Variants in C9orf85 observed in about 807,000 individuals in gnomAD.
C9orf85 encodes the protein uncharacterized protein C9orf85.
A neutral mutation model predicts 14.9 loss-of-function variants in C9orf85; 16 were observed. The observed-to-expected ratio is 1.08, with a 90% confidence interval of 0.73 to 1.63. The LOEUF is 1.63. Ranked by LOEUF, C9orf85 falls within the 40% of genes most tolerant of loss-of-function variation. The probability of loss-of-function intolerance (pLI) is 0.00; values close to 1 mark genes in which losing one functional copy is unlikely to be tolerated. For synonymous variants in C9orf85, 45 were observed against 56.8 expected, an observed-to-expected ratio of 0.79 and a Z score of 0.93; for missense variants, 172 against 186.1, an observed-to-expected ratio of 0.92 and a Z score of 0.44.
chr9:71,912,813 G>A (rs1827547758), intron 1 of C9orf85, among the ~76,000 whole-genome samples: 1 of 152,174 alleles, frequency 6.6e-6, no homozygotes, highest in South Asian at 2.1e-4. Context: ...GAACCCTGGA[G>A]GCGGTGGTTG....
chr9:71,937,292 G>A (rs1334207840), intron 1 of C9orf85, among the ~76,000 whole-genome samples: 1 of 152,184 alleles, frequency 6.6e-6, no homozygotes, highest in Non-Finnish European at 1.5e-5. Flanking sequence ...CTTTGTGTAT[G>A]CATTAGGTTT....
intron 2 of C9orf85, among the ~76,000 whole-genome samples, chr9:71,964,405 G>C (rs868746912): frequency 2.0e-5 from 3 of 151,818 alleles, no homozygotes; most frequent in African/African-American, 4.8e-5. Context: ...CACTCTTTGG[G>C]TCTACACTGC....
At chr9:71,948,141 T>C (rs779995939) in intron 2 of C9orf85, among the ~76,000 whole-genome samples, 1 of 152,242 alleles carries the variant, frequency 6.6e-6, no homozygotes, top group Non-Finnish European at 1.5e-5. Context: ...GTAATCTATA[T>C]AGTAGCTATT....
intron 1 of C9orf85, among the ~76,000 whole-genome samples, chr9:71,932,131 C>T (rs969502941): frequency 6.6e-6 from 1 of 152,180 alleles, no homozygotes; most frequent in Non-Finnish European, 1.5e-5. Flanking sequence ...ATTACCTTCT[C>T]CTGTATTTGA....
intron 1 of C9orf85, 113 bp from the exon 2 acceptor site, chr9:71,946,893 C>G: frequency 1.7e-6 from 1 of 581,608 alleles, no homozygotes; most frequent in Non-Finnish European, 3.0e-6. Flanking sequence ...AATTGTTATG[C>G]AGATTAAGGT....
rs547185067 is a variant in C9orf85 at position 71,971,879 on chromosome 9, CAGG to C, written c.323+264_323+266del. ...ATCCCAATTACTCGGGAGTCTAAGG[CAGG>C]AGAATCGCTTGAACTTGGGGGGCAG... On this transcript the variant is annotated intron_variant, in intron 3 of 3. Transcript: ENST00000334731. 2.0e-3 allele frequency among the ~76,000 whole-genome samples: 302 copies of C among 149,258 alleles called. 2 individuals carry two copies. Among genetic ancestry groups the C allele is most frequent in the Non-Finnish European group, 3.2e-4 (22 of 67,774 alleles).
intron 1 of C9orf85, among the ~76,000 whole-genome samples, chr9:71,935,141 C>A (rs558157034): frequency 4.6e-5 from 7 of 152,218 alleles, no homozygotes; most frequent in African/African-American, 1.4e-4. Flanking sequence ...AAAATTGGAA[C>A]CTTTGTTTAT....
intron 1 of C9orf85, among the ~76,000 whole-genome samples, chr9:71,932,187 G>A (rs1027007016): frequency 2.0e-5 from 3 of 151,864 alleles, no homozygotes; most frequent in African/African-American, 7.3e-5. Context: ...TTTCCAAGGA[G>A]CACACACACT....
At chr9:71,962,841 A>G (rs951418840) in intron 2 of C9orf85, among the ~76,000 whole-genome samples, 2 of 152,170 alleles carry the variant, frequency 1.3e-5, no homozygotes, top group Non-Finnish European at 2.9e-5. Context: ...GGATCACTTG[A>G]GGTCAGGAGT....
intron 1 of C9orf85, among the ~76,000 whole-genome samples, chr9:71,927,074 T>C (rs1827947492): frequency 6.6e-6 from 1 of 152,024 alleles, no homozygotes; most frequent in Non-Finnish European, 1.5e-5. Flanking sequence ...CTACCCTCTT[T>C]CAGAGGAACA....
chr9:71,942,512 CCTCTA>C (rs771243399), intron 1 of C9orf85, among the ~76,000 whole-genome samples: 1 of 152,124 alleles, frequency 6.6e-6, no homozygotes, highest in Non-Finnish European at 1.5e-5. Flanking sequence ...CTGATTCCCT[CCTCTA>C]TTTTTTGGTT....
At chr9:71,932,283 A>G (rs1828088494) in intron 1 of C9orf85, among the ~76,000 whole-genome samples, 1 of 152,116 alleles carries the variant, frequency 6.6e-6, no homozygotes, top group Non-Finnish European at 1.5e-5. Context: ...TTATTTTCAT[A>G]GAAGCTCATT....
At chr9:71,980,532 CATAAG>C (rs996318407) in intron 3 of C9orf85, among the ~76,000 whole-genome samples, 1 of 152,090 alleles carries the variant, frequency 6.6e-6, no homozygotes, top group Non-Finnish European at 1.5e-5. Flanking sequence ...AGTCAGGAAA[CATAAG>C]ATAAAATGAT....
At chr9:71,945,676 G>T (rs886180741) in intron 1 of C9orf85, among the ~76,000 whole-genome samples, 115 of 152,132 alleles carry the variant, frequency 7.6e-4, no homozygotes, top group African/African-American at 2.6e-3. Flanking sequence ...AGAATATCAA[G>T]CGCTGTTCAA....
intron 1 of C9orf85, among the ~76,000 whole-genome samples, chr9:71,928,832 A>G (rs1367631848): frequency 6.6e-6 from 1 of 152,238 alleles, no homozygotes; most frequent in African/African-American, 2.4e-5. Context: ...TGCATTCTTC[A>G]TTAAGAATAT....
intron 2 of C9orf85, among the ~76,000 whole-genome samples, chr9:71,963,618 GGGCCCTGCACTCAGATTAGCTGGCC>G (rs1404273395): frequency 6.6e-6 from 1 of 152,194 alleles, no homozygotes; most frequent in Non-Finnish European, 1.5e-5. Flanking sequence ...TGGGCTTGGC[GGGCCCTGCACTCAGATTAGCTGGCC>G]GGCCCTGCCG....
chr9:71,959,748 G>T (rs529488869), intron 2 of C9orf85, among the ~76,000 whole-genome samples: 115 of 152,290 alleles, frequency 7.6e-4, no homozygotes, highest in African/African-American at 2.6e-3. Flanking sequence ...AGCTGGACTG[G>T]ATGTGAAAGA....
chr9:71,926,156 C>T (rs1317933485), intron 1 of C9orf85, among the ~76,000 whole-genome samples: 1 of 152,198 alleles, frequency 6.6e-6, no homozygotes, highest in Non-Finnish European at 1.5e-5. Flanking sequence ...ACTTCCAAAG[C>T]AATAGTGATT....
At chr9:71,936,951 A>T (rs1828206006) in intron 1 of C9orf85, among the ~76,000 whole-genome samples, 1 of 151,788 alleles carries the variant, frequency 6.6e-6, no homozygotes, top group Non-Finnish European at 1.5e-5. Context: ...TAGAAACGGG[A>T]TCTCCCTGTG....
Sources: allele counts gnomAD v4.1 joint callset (sites outside exome capture counted in the v4.1 genomes callset), GRCh38; gene constraint gnomAD v4.1.1; transcripts MANE v1.5; gene names NCBI Gene and HGNC (gene_info 2026-07-23, HGNC 2026-07-21).